The following CNOT2 variants were observed in gnomAD, a reference collection of about 807,000 sequenced individuals.
The protein encoded by CNOT2 is CC chemokine receptor 4-negative regulator of transcription 2.
A neutral mutation model predicts 72.1 loss-of-function variants in CNOT2; 7 were observed. The ratio of observed to expected loss-of-function variants is 0.10; its 90% CI spans 0.06 to 0.18. The LOEUF (loss-of-function observed/expected upper bound fraction) is 0.18. Ranked by LOEUF, CNOT2 falls within the 10% of genes least tolerant of loss-of-function variation. The probability of loss-of-function intolerance (pLI) is 1.00; values close to 1 mark genes in which losing one functional copy is unlikely to be tolerated. For missense variants in CNOT2, 345 were observed against 660.3 expected (o/e 0.52, Z 5.23); for synonymous variants, 196 against 225.6 (o/e 0.87, Z 1.17).
intron 1 of CNOT2, among the ~76,000 whole-genome samples, chr12:70,248,362 A>AT (rs1305773650): frequency 1.3e-5 from 2 of 152,120 alleles, no homozygotes; most frequent in Admixed American, 6.5e-5. Context: ...AAAGTTGATC[A>AT]TTTCTTTTGT....
At chr12:70,295,545 G>A (rs995713366) in intron 2 of CNOT2, among the ~76,000 whole-genome samples, 5 of 152,026 alleles carry the variant, frequency 3.3e-5, no homozygotes, top group South Asian at 2.1e-4. Context: ...CCTTCTGTAT[G>A]CATAGAGGAT....
intron 1 of CNOT2, among the ~76,000 whole-genome samples, chr12:70,249,180 T>G (rs902884487): frequency 2.6e-5 from 4 of 152,096 alleles, no homozygotes; most frequent in South Asian, 4.1e-4. Context: ...TTGTATTACT[T>G]TCTACATTGT....
chr12:70,327,502 A>G (rs571486099), intron 4 of CNOT2: 1 of 151,882 alleles, frequency 6.6e-6, no homozygotes, highest in Non-Finnish European at 1.5e-5. Flanking sequence ...TGCCGTGGAG[A>G]AGTCAGTTAA....
At chr12:70,286,084 G>A (rs17107935) in intron 2 of CNOT2, among the ~76,000 whole-genome samples, 13,211 of 139,506 alleles carry the variant, frequency 0.095, 802 homozygotes, top group Admixed American at 0.18. Context: ...AGCAGAACCA[G>A]GAAATCTCAG....
chr12:70,288,415 G>T (rs532595290), intron 2 of CNOT2, among the ~76,000 whole-genome samples: 1 of 152,170 alleles, frequency 6.6e-6, no homozygotes, highest in South Asian at 2.1e-4. Context: ...GGATTACAGT[G>T]CTGGGATTAC....
At chr12:70,314,961 T>C (rs1347414303) in intron 3 of CNOT2, among the ~76,000 whole-genome samples, 1 of 152,098 alleles carries the variant, frequency 6.6e-6, no homozygotes, top group African/African-American at 2.4e-5. Flanking sequence ...CCTCCTGGGT[T>C]CAAGTGATTC....
intron 4 of CNOT2, chr12:70,322,527 A>G (rs1208422778): frequency 1.3e-5 from 2 of 151,782 alleles, no homozygotes; most frequent in African/African-American, 4.8e-5. Context: ...TGTGCATATT[A>G]TCTTATAGGC....
intron 1 of CNOT2, among the ~76,000 whole-genome samples, chr12:70,277,301 A>G (rs905195702): frequency 6.6e-6 from 1 of 152,288 alleles, no homozygotes; most frequent in South Asian, 2.1e-4. Context: ...CTCATTTTCA[A>G]TATTCATTTT....
intron 2 of CNOT2, among the ~76,000 whole-genome samples, chr12:70,280,611 T>C (rs1261166208): frequency 6.6e-6 from 1 of 152,206 alleles, no homozygotes; most frequent in Non-Finnish European, 1.5e-5. Context: ...TAGGCTAATA[T>C]TGAAGAGTTT....
intron 1 of CNOT2, among the ~76,000 whole-genome samples, chr12:70,247,813 A>G (rs1378309675): frequency 2.6e-5 from 4 of 152,198 alleles, no homozygotes; most frequent in African/African-American, 9.7e-5. Context: ...CTGTTGCTAG[A>G]TTGTCATTTG....
chr12:70,333,114 CTTAG>C (rs1025325435), intron 7 of CNOT2, among the ~76,000 whole-genome samples: 4 of 151,928 alleles, frequency 2.6e-5, no homozygotes, highest in East Asian at 1.9e-4. Flanking sequence ...TACACATTAA[CTTAG>C]TTAGTATTTA....
chr12:70,336,036 G>A (rs11178190), intron 8 of CNOT2: 13,966 of 154,446 alleles, frequency 0.09, 667 homozygotes, highest in Middle Eastern at 0.11. Context: ...GAGAGGAGAT[G>A]TGGGGGGCTA....
chr12:70,254,997 AAG>A (rs1324352234), intron 1 of CNOT2, among the ~76,000 whole-genome samples: 15 of 145,546 alleles, frequency 1.0e-4, no homozygotes, highest in African/African-American at 2.6e-4. Flanking sequence ...AAAAAAAAAA[AAG>A]AAGAAGAAGA....
rs1166305984 is a variant in CNOT2 at position 70,339,076 on chromosome 12, G to GTGTA, written c.1178+255_1178+256insGTAT. Reference sequence around the variant, plus strand: ...CATGTGCATGTATATATGTGTGTGTGTATATATATATATATACACACACAC... The same window carrying GTGTA: ...CATGTGCATGTATATATGTGTGTGTGTGTATATATATATATATATACACACACAC... On this transcript the variant is annotated intron_variant, in intron 11 of 15. Transcript: ENST00000229195. Among the ~76,000 whole-genome samples, 51 of 128,624 alleles carry GTGTA rather than the reference G, an allele frequency of 4.0e-4. 1 individual carries two copies. The highest frequency in any genetic ancestry group is 1.5e-3 in the African/African-American group (47 of 30,582). 84.4% of individuals were successfully genotyped at this position (128,624 alleles called of 152,430 possible). A position where few individuals can be genotyped will look rare whatever the true frequency, so the allele number is the denominator to read the frequency against.
chr12:70,320,539 T>A (rs1420086221), intron 4 of CNOT2, among the ~76,000 whole-genome samples: 1 of 151,742 alleles, frequency 6.6e-6, no homozygotes, highest in Non-Finnish European at 1.5e-5. Context: ...TTCCAAAGCT[T>A]ATTACATAAA....
intron 1 of CNOT2, among the ~76,000 whole-genome samples, chr12:70,255,574 C>T (rs558524589): frequency 3.3e-5 from 5 of 151,840 alleles, no homozygotes; most frequent in African/African-American, 7.2e-5. Flanking sequence ...AAATGACTGT[C>T]GTGCATTGTA....
chr12:70,308,903 A>T (rs1449777882), intron 2 of CNOT2, among the ~76,000 whole-genome samples: 2 of 152,138 alleles, frequency 1.3e-5, no homozygotes, highest in East Asian at 3.9e-4. Context: ...TTATTGAATA[A>T]TTATTGAATT....
At position 70,346,350 on chromosome 12, in the gene CNOT2, T is replaced by G. The variant is rs1341952865; in HGVS notation, c.1536+26T>G. 1.9e-6 allele frequency: 3 copies of G among 1,590,092 alleles called. No homozygotes were observed. In the Admixed American group the frequency reaches 5.0e-5, roughly 27 times the overall value. Reference sequence around the variant, plus strand: ...GTATATTTCTTTCCATGTGCAAATGTATAAATCTAAACTTGAAAAAAGAAG... The same window carrying G: ...GTATATTTCTTTCCATGTGCAAATGGATAAATCTAAACTTGAAAAAAGAAG... On this transcript the variant is annotated intron_variant, in intron 15 of 15. Transcript: ENST00000229195.
chr12:70,325,970 A>G (rs1425756085), intron 4 of CNOT2, among the ~76,000 whole-genome samples: 2 of 151,854 alleles, frequency 1.3e-5, no homozygotes, highest in Admixed American at 6.6e-5. Context: ...GTATTTTGCC[A>G]TAAGTGTTTA....
Sources: allele counts gnomAD v4.1 joint callset (sites outside exome capture counted in the v4.1 genomes callset), GRCh38; gene constraint gnomAD v4.1.1; transcripts MANE v1.5; gene names NCBI Gene and HGNC (gene_info 2026-07-23, HGNC 2026-07-21).